CCDC85A: variants seen among roughly 807,000 people sequenced by gnomAD.
The protein encoded by CCDC85A is coiled-coil domain containing 85A.
Under a neutral mutation model 50.2 loss-of-function variants are expected in CCDC85A, and 38 were observed. That is an observed-to-expected ratio of 0.76 (90% confidence interval 0.58 to 0.99). The LOEUF is 0.99. CCDC85A is among the 50% of genes least tolerant of loss of function. The pLI, the probability that CCDC85A is intolerant of heterozygous loss-of-function variation, is 0.00. For missense variants in CCDC85A, 820 were observed against 742.0 expected (o/e 1.11, Z -1.22); for synonymous variants, 366 against 301.4 (o/e 1.21, Z -2.22).
chr2:56,257,472 C>T (rs1192140712), intron 2 of CCDC85A, among the ~76,000 whole-genome samples: 1 of 151,802 alleles, frequency 6.6e-6, no homozygotes, highest in African/African-American at 2.4e-5. Flanking sequence ...CGACGAGGGG[C>T]CAAAAACAAT....
intron 3 of CCDC85A, among the ~76,000 whole-genome samples, chr2:56,350,455 A>G (rs571138184): frequency 3.3e-5 from 5 of 152,304 alleles, no homozygotes; most frequent in Admixed American, 1.3e-4. Flanking sequence ...CCTGTAATCC[A>G]GTCTTCTGTT....
chr2:56,269,752 A>AT (rs1333010265), intron 2 of CCDC85A, among the ~76,000 whole-genome samples: 6 of 151,874 alleles, frequency 4.0e-5, no homozygotes, highest in African/African-American at 4.8e-5. Flanking sequence ...AAAGCCTTTC[A>AT]TTTTTTTTAA....
At chr2:56,292,354 A>T (rs555783871) in intron 2 of CCDC85A, among the ~76,000 whole-genome samples, 1 of 152,284 alleles carries the variant, frequency 6.6e-6, no homozygotes, top group African/African-American at 2.4e-5. Context: ...AAGTGCTGCT[A>T]TTACAGGAGT....
Position 56,274,418 on chromosome 2 carries a change from A to C in CCDC85A, c.1241-68461A>C, listed in dbSNP as rs79730043. On this transcript the variant is annotated intron_variant, in intron 2 of 5. Transcript: ENST00000407595. The stretch of plus-strand genomic sequence containing the variant: ...ACATTTAAGCAACAGTTAATGTTTT[A>C]AGTTCAAAATCCACAGGGCAGGACA... 2.1e-3 allele frequency among the ~76,000 whole-genome samples: 315 copies of C among 152,286 alleles called. 3 individuals carry two copies. Among genetic ancestry groups the C allele is most frequent in the African/African-American group, 7.1e-3 (296 of 41,558 alleles).
chr2:56,226,890 T>C (rs1411851406), intron 2 of CCDC85A, among the ~76,000 whole-genome samples: 3 of 152,110 alleles, frequency 2.0e-5, no homozygotes, highest in Non-Finnish European at 4.4e-5. Flanking sequence ...ATTTTGTAAC[T>C]GAGTATTGGT....
intron 3 of CCDC85A, among the ~76,000 whole-genome samples, chr2:56,367,506 G>T (rs1009742305): frequency 6.6e-6 from 1 of 152,070 alleles, no homozygotes; most frequent in Admixed American, 6.6e-5. Flanking sequence ...CTAAATCAGG[G>T]TTTCTCAACT....
intron 2 of CCDC85A, among the ~76,000 whole-genome samples, chr2:56,201,873 T>C (rs1040453997): frequency 1.3e-5 from 2 of 152,128 alleles, no homozygotes; most frequent in African/African-American, 4.8e-5. Context: ...GTTAGAGCTG[T>C]GACGTACTCA....
chr2:56,384,435 C>T lies in CCDC85A; in HGVS notation c.*80C>T. 8.1e-7 allele frequency: 1 copy of T among 1,234,614 alleles called. No individual in the cohort carries two copies. The highest frequency in any genetic ancestry group is 1.2e-6 in the Non-Finnish European group (1 of 844,570). 76.5% of individuals were successfully genotyped at this position (1,234,614 alleles called of 1,614,324 possible). A position where few individuals can be genotyped will look rare whatever the true frequency, so the allele number is the denominator to read the frequency against. On this transcript the variant is annotated 3_prime_UTR_variant, in exon 6 of 6. Transcript: ENST00000407595. ...AGAAGAAAAAGGAAAGAGTGGGTTT[C>T]CACAAACCTGGACTCATGGAATAAC...
At chr2:56,303,107 C>T (rs894772090) in intron 2 of CCDC85A, among the ~76,000 whole-genome samples, 2 of 152,200 alleles carry the variant, frequency 1.3e-5, no homozygotes, top group African/African-American at 4.8e-5. Flanking sequence ...ACCTCATCCT[C>T]ATCCCAGAGA....
intron 3 of CCDC85A, among the ~76,000 whole-genome samples, chr2:56,368,107 A>T (rs1054148766): frequency 4.6e-5 from 7 of 152,222 alleles, no homozygotes; most frequent in African/African-American, 1.7e-4. Context: ...CATTGCATGC[A>T]ATATCACGTC....
intron 2 of CCDC85A, among the ~76,000 whole-genome samples, chr2:56,313,166 T>C (rs1672772049): frequency 6.6e-6 from 1 of 152,190 alleles, no homozygotes; most frequent in South Asian, 2.1e-4. Context: ...TACAATCCAG[T>C]TGGCGACTAG....
chr2:56,319,835 T>A (rs1673086378), intron 2 of CCDC85A, among the ~76,000 whole-genome samples: 1 of 151,988 alleles, frequency 6.6e-6, no homozygotes, highest in South Asian at 2.1e-4. Context: ...AGCTTAGAAC[T>A]CAAGTGCAGA....
At chr2:56,250,590 A>AT (rs1401721458) in intron 2 of CCDC85A, among the ~76,000 whole-genome samples, 1 of 152,152 alleles carries the variant, frequency 6.6e-6, no homozygotes, top group Non-Finnish European at 1.5e-5. Flanking sequence ...AGGGCAGGAC[A>AT]TTTTGGGTTT....
rs753705942 is a variant in CCDC85A at position 56,193,185 on chromosome 2, G to T, written c.985G>T (p.Ala329Ser). 2.5e-6 allele frequency: 4 copies of T among 1,612,850 alleles called. No homozygotes were observed. Among genetic ancestry groups the T allele is most frequent in the African/African-American group, 1.3e-5 (1 of 74,770 alleles). ...KHRSGSSPEH[A>S]RHSGGSPEHL... ...CCGGTCAGGGAGCAGCCCTGAACAC[G>T]CCAGGCACAGTGGAGGGAGCCCGGA... is the stretch of plus-strand genomic sequence containing the variant. Residue 329 changes from alanine to serine, a missense_variant, in exon 2 of 6, where the codon GCC (alanine) becomes TCC (serine). By Grantham distance (99) the Ala-to-Ser change is moderately conservative (BLOSUM62 1). Transcript: ENST00000407595.
At chr2:56,271,957 G>T (rs1031797877) in intron 2 of CCDC85A, among the ~76,000 whole-genome samples, 1 of 152,096 alleles carries the variant, frequency 6.6e-6, no homozygotes, top group Non-Finnish European at 1.5e-5. Flanking sequence ...TTTAATTTCT[G>T]CCTAAAGATG....
At chr2:56,302,250 C>G (rs1192085277) in intron 2 of CCDC85A, among the ~76,000 whole-genome samples, 1 of 151,994 alleles carries the variant, frequency 6.6e-6, no homozygotes, top group East Asian at 1.9e-4. Context: ...AGTGAGACTC[C>G]ATCTTCAAAA....
At chr2:56,224,026 G>A (rs1293394882) in intron 2 of CCDC85A, among the ~76,000 whole-genome samples, 1 of 152,100 alleles carries the variant, frequency 6.6e-6, no homozygotes, top group Non-Finnish European at 1.5e-5. Flanking sequence ...TGTATATTCA[G>A]AGTTGTACAA....
At chr2:56,325,535 G>C (rs762849752) in intron 2 of CCDC85A, among the ~76,000 whole-genome samples, 4 of 152,070 alleles carry the variant, frequency 2.6e-5, no homozygotes, top group Non-Finnish European at 5.9e-5. Flanking sequence ...CAAAAATAAT[G>C]TTAACAGTAT....
At chr2:56,269,186 A>G (rs1670588500) in intron 2 of CCDC85A, among the ~76,000 whole-genome samples, 1 of 152,182 alleles carries the variant, frequency 6.6e-6, no homozygotes, top group South Asian at 2.1e-4. Flanking sequence ...TGGTAGGAGC[A>G]TCCTCCACTA....
Sources: allele counts gnomAD v4.1 joint callset (sites outside exome capture counted in the v4.1 genomes callset), GRCh38; gene constraint gnomAD v4.1.1; transcripts MANE v1.5; gene names NCBI Gene and HGNC (gene_info 2026-07-23, HGNC 2026-07-21).